The following SEC13 variants were observed in gnomAD, a reference collection of about 807,000 sequenced individuals.
SEC13 encodes SEC13 homolog, nuclear pore and COPII component.
In SEC13, 25 loss-of-function variants were observed where a neutral mutation model predicts 49.2. The observed-to-expected ratio is 0.51, with a 90% confidence interval of 0.37 to 0.71. SEC13 has a LOEUF of 0.71. SEC13 is among the 30% of genes least tolerant of loss of function. The probability of loss-of-function intolerance (pLI) is 0.00; values close to 1 mark genes in which losing one functional copy is unlikely to be tolerated. For synonymous variants in SEC13, 148 were observed against 163.9 expected (o/e 0.90, Z 0.74); for missense variants, 383 against 417.6 (o/e 0.92, Z 0.72).
At chr3:10,305,833 C>T in intron 5 of SEC13, 141 bp from the exon 6 acceptor site, 1 of 805,078 alleles carries the variant, frequency 1.2e-6, no homozygotes, top group Non-Finnish European at 1.9e-6. Context: ...TCATGGGGTC[C>T]ACTGCTCAGA....
At chr3:10,312,803 C>T (rs1701364311) in intron 3 of SEC13, 73 bp from the exon 4 acceptor site, 2 of 1,457,564 alleles carry the variant, frequency 1.4e-6, no homozygotes, top group Non-Finnish European at 1.9e-6. Flanking sequence ...AACTAAATGG[C>T]TCCCTGAGAC....
intron 8 of SEC13, chr3:10,303,739 G>A (rs985942168): frequency 4.2e-6 from 2 of 478,534 alleles, no homozygotes; most frequent in East Asian, 4.1e-5. Flanking sequence ...CAAATGCTTA[G>A]TAGGGTGATG....
intron 8 of SEC13, among the ~76,000 whole-genome samples, chr3:10,303,044 A>C (rs999840427): frequency 4.6e-5 from 7 of 152,318 alleles, no homozygotes; most frequent in Non-Finnish European, 1.0e-4. Context: ...GGCAATGGGG[A>C]AGGGAGTTAT....
Position 10,321,070 on chromosome 3 carries a change from C to T in SEC13, c.-18G>A. On this transcript the variant is annotated 5_prime_UTR_variant, in exon 1 of 9. Transcript: ENST00000350697. This position sits in a 1 kb window ranked among gnomAD's most constrained non-coding sequence, Gnocchi z 4.1. ...CTCACCATGATTGCGGCGGTGGCTG[C>T]TCCAGGTCTCGGACGTGGCAGCTCC... 6.2e-7 allele frequency: 1 copy of T among 1,613,124 alleles called. No homozygotes were observed. Among genetic ancestry groups the T allele is most frequent in the Non-Finnish European group, 8.5e-7 (1 of 1,179,736 alleles).
At chr3:10,301,467 G>T (rs1700507728) in intron 8 of SEC13, 93 bp from the exon 9 acceptor site, 2 of 1,511,550 alleles carry the variant, frequency 1.3e-6, no homozygotes, top group East Asian at 2.4e-5. Context: ...AAGAACCACT[G>T]CCCAGAGGCT....
chr3:10,301,880 T>G (rs916422901), intron 8 of SEC13, among the ~76,000 whole-genome samples: 1 of 152,240 alleles, frequency 6.6e-6, no homozygotes, highest in East Asian at 1.9e-4. Context: ...TGAAGTAAAC[T>G]GTATAAGAAA....
At chr3:10,320,138 T>C (rs2059750858) in intron 1 of SEC13, among the ~76,000 whole-genome samples, 1 of 152,028 alleles carries the variant, frequency 6.6e-6, no homozygotes, top group Non-Finnish European at 1.5e-5. Context: ...AAAAATTCAT[T>C]TAGGATGAGC....
intron 1 of SEC13, chr3:10,320,834 C>T (rs940860811): frequency 1.4e-5 from 18 of 1,319,094 alleles, no homozygotes; most frequent in Non-Finnish European, 1.6e-5. Context: ...GCAGGAGCGG[C>T]GCGCCCCGCA....
At chr3:10,319,063 A>G (rs2059715913) in intron 1 of SEC13, 1 of 1,357,614 alleles carries the variant, frequency 7.4e-7, no homozygotes, top group Non-Finnish European at 1.0e-6. Flanking sequence ...TCTTTGCTCA[A>G]CCACTCTTCT....
chr3:10,309,671 C>T (rs1318578507), intron 5 of SEC13, among the ~76,000 whole-genome samples: 2 of 152,164 alleles, frequency 1.3e-5, no homozygotes, highest in African/African-American at 2.4e-5. Flanking sequence ...CAGCTTGGCT[C>T]GGTTATGTGG....
intron 5 of SEC13, among the ~76,000 whole-genome samples, chr3:10,308,087 G>A (rs1019703659): frequency 2.6e-5 from 4 of 152,148 alleles, no homozygotes; most frequent in South Asian, 4.1e-4. Flanking sequence ...CTTTGATATA[G>A]TATAATTGAC....
Position 10,305,582 on chromosome 3 carries a change from A to T in SEC13, c.561T>A (p.Cys187Ter). The T allele has an allele frequency of 1.9e-6, 3 of 1,614,104 alleles. No homozygotes were observed. Among genetic ancestry groups the T allele is most frequent in the Non-Finnish European group, 2.5e-6 (3 of 1,180,014 alleles). Residue 187 changes from cysteine (C) to a stop codon, truncating the protein, a stop_gained, in exon 6 of 9, where the codon TGT becomes TGA. Transcript: ENST00000350697. LOFTEE classifies it high-confidence loss of function. ...NYIKRFASGGCDNLIKLWKEE... is the reference protein window; with the variant it reads ...NYIKRFASGG ...ACTTCCACAGCTTGATGAGGTTGTC[A>T]CAGCCACCTGATGCAAACCTCTTGA...
chr3:10,305,020 G>T lies in SEC13; in HGVS notation c.708+13C>A. ...GACTAAATGACAAGGGATACTCATG[G>T]CCCTGGGCTGACCTGGGAGCAGCTG... On this transcript the variant is annotated intron_variant, in intron 7 of 8. Coordinates refer to ENST00000350697, the MANE Select transcript of SEC13 (RefSeq NM_183352.3). 6.2e-7 allele frequency: 1 copy of T among 1,613,996 alleles called. No individual in the cohort carries two copies. The highest frequency in any genetic ancestry group is 1.3e-5 in the African/African-American group (1 of 75,052).
intron 4 of SEC13, 62 bp from the exon 5 acceptor site, chr3:10,312,160 T>C: frequency 6.6e-7 from 1 of 1,517,242 alleles, no homozygotes. Context: ...GGTCCCGCCT[T>C]CCACAGATTT....
At chr3:10,313,348 T>G in intron 3 of SEC13, 2 of 488,936 alleles carry the variant, frequency 4.1e-6, no homozygotes, top group South Asian at 3.0e-5. Flanking sequence ...AGAGGTAGAG[T>G]AGCATGGTAG....
chr3:10,304,767 C>A (rs371414879), intron 7 of SEC13, among the ~76,000 whole-genome samples: 6 of 152,192 alleles, frequency 3.9e-5, no homozygotes, highest in African/African-American at 1.4e-4. Flanking sequence ...CCTAGTCTCA[C>A]ATGGGTCAGA....
At chr3:10,313,144 G>A (rs1701388635) in intron 3 of SEC13, 1 of 234,290 alleles carries the variant, frequency 4.3e-6, no homozygotes, top group Non-Finnish European at 8.9e-6. Flanking sequence ...TCAGCTTCCT[G>A]AGGAGGCATT....
At position 10,318,314 on chromosome 3, in the gene SEC13, T is replaced by G. The variant is rs574134792; in HGVS notation, c.4-220A>C. ...CCCTTGAGAAGCTCGCGAATAATGC[T>G]AGTGTCGCAAGATAAATTATTTAAT... On this transcript the variant is annotated intron_variant, in intron 1 of 8. Coordinates refer to ENST00000350697, the MANE Select transcript of SEC13 (RefSeq NM_183352.3). Among the ~76,000 whole-genome samples, 6 of 152,120 alleles carry G rather than the reference T, an allele frequency of 3.9e-5. No homozygotes were observed. In the East Asian group the frequency reaches 1.2e-3, roughly 29 times the overall value.
At chr3:10,309,859 T>C (rs894471332) in intron 5 of SEC13, among the ~76,000 whole-genome samples, 1 of 152,234 alleles carries the variant, frequency 6.6e-6, no homozygotes, top group African/African-American at 2.4e-5. Context: ...CTCCCTTGTT[T>C]CTGTGTGGTG....
Sources: allele counts gnomAD v4.1 joint callset (sites outside exome capture counted in the v4.1 genomes callset), GRCh38; gene constraint gnomAD v4.1.1; non-coding constraint Gnocchi (gnomAD v3.1); transcripts MANE v1.5; gene names NCBI Gene and HGNC (gene_info 2026-07-23, HGNC 2026-07-21).